The following MGAM variants were observed in gnomAD, a reference collection of about 807,000 sequenced individuals.
The protein encoded by MGAM is maltase-glucoamylase.
In MGAM, 253 loss-of-function variants were observed where a neutral mutation model predicts 358.8. That is an observed-to-expected ratio of 0.71 (90% CI 0.64 to 0.78). The LOEUF is 0.78. Ranked by LOEUF, MGAM falls within the 30% of genes least tolerant of loss-of-function variation. The probability of loss-of-function intolerance (pLI) is 0.00; values close to 1 mark genes in which losing one functional copy is unlikely to be tolerated. For synonymous variants in MGAM, 1,105 were observed against 1,227.1 expected (o/e 0.90, Z 2.08); for missense variants, 3,080 against 3,432.6 (o/e 0.90, Z 2.57).
chr7:142,038,930 A>G (rs1293219539), intron 19 of MGAM, among the ~76,000 whole-genome samples: 3 of 152,100 alleles, frequency 2.0e-5, no homozygotes, highest in Non-Finnish European at 4.4e-5. Context: ...TACAAAGAAA[A>G]GAGATTTCAT....
At chr7:142,086,524 C>T in intron 56 of MGAM, 131 bp from the exon 57 acceptor site, 1 of 605,588 alleles carries the variant, frequency 1.7e-6, no homozygotes, top group East Asian at 3.3e-5. Flanking sequence ...ATTCACTTCT[C>T]TTTTACATCA....
chr7:142,085,738 A>C, intron 54 of MGAM, 95 bp from the exon 55 acceptor site: 1 of 1,381,498 alleles, frequency 7.2e-7, no homozygotes, highest in Non-Finnish European at 9.8e-7. Context: ...ACAAGAAGCT[A>C]TCTGGAATTC....
intron 68 of MGAM, among the ~76,000 whole-genome samples, chr7:142,101,188 A>G (rs1816411992): frequency 6.6e-6 from 1 of 152,150 alleles, no homozygotes; most frequent in Admixed American, 6.5e-5. Flanking sequence ...CATAGGATTT[A>G]TGGTCAAGGA....
In MGAM at chr7:142,059,981, G is replaced by C. The variant is rs558877932; in HGVS notation, c.4059+15G>C. 1 of 1,585,364 alleles carries C rather than the reference G, an allele frequency of 6.3e-7. No individual in the cohort carries two copies. Among genetic ancestry groups the C allele is most frequent in the African/African-American group, 1.3e-5 (1 of 74,514 alleles). Reference sequence around the variant, plus strand: ...TCTGGGGAAAGGTATAATCCTAAGCGATGATCCACTAGTCCCCAGCCTGAG... The same window carrying C: ...TCTGGGGAAAGGTATAATCCTAAGCCATGATCCACTAGTCCCCAGCCTGAG... On this transcript the variant is annotated intron_variant, in intron 33 of 70. Transcript: ENST00000475668.
chr7:142,030,551 ATC>A, intron 11 of MGAM, 58 bp downstream of exon 11: 1 of 1,609,534 alleles, frequency 6.2e-7, no homozygotes, highest in Non-Finnish European at 8.5e-7. Context: ...TCATACACCC[ATC>A]TCTCCTGCTT....
chr7:142,027,718 G>A lies in MGAM; in HGVS notation c.1204G>A (p.Ala402Thr), dbSNP rs371373847. 81 of 1,611,798 alleles carry A rather than the reference G, an allele frequency of 5.0e-5. No individual in the cohort carries two copies. Among genetic ancestry groups the A allele is most frequent in the Non-Finnish European group, 6.3e-5 (74 of 1,178,814 alleles). Reference sequence around the variant, plus strand: ...GAGGGAAGTCGTGGAGAGAAATCGCGCAGCACAGCTCCCTTATGTAAGCAA... The same window carrying A: ...GAGGGAAGTCGTGGAGAGAAATCGCACAGCACAGCTCCCTTATGTAAGCAA... ...NMREVVERNR[A>T]AQLPYDVQHA... is the part of the protein sequence containing the mutation. Residue 402 changes from alanine (A) to threonine (T), a missense_variant, in exon 10 of 71, where the codon GCA (alanine) becomes ACA (threonine). Ala to Thr is a moderately conservative substitution (Grantham distance 58). Coordinates refer to ENST00000475668, the MANE Select transcript of MGAM (RefSeq NM_001365693.1).
chr7:142,091,590 A>G lies in MGAM; in HGVS notation c.6811-323A>G, dbSNP rs140250073. On this transcript the variant is annotated intron_variant, in intron 57 of 70. Transcript: ENST00000475668. Reference sequence around the variant, plus strand: ...CCCTGGCTTTGTCTTTGAGGAGTGCATAGGAAATGGCAGGACTGACATTGA... The same window carrying G: ...CCCTGGCTTTGTCTTTGAGGAGTGCGTAGGAAATGGCAGGACTGACATTGA... Among the ~76,000 whole-genome samples the G allele has an allele frequency of 5.7e-4, 84 of 146,222 alleles. 3 individuals are homozygous for G. The highest frequency in any genetic ancestry group is 1.8e-3 in the African/African-American group (76 of 41,198).
At chr7:142,025,685 G>T (rs550886112) in intron 8 of MGAM, among the ~76,000 whole-genome samples, 1 of 152,114 alleles carries the variant, frequency 6.6e-6, no homozygotes, top group African/African-American at 2.4e-5. Flanking sequence ...TAGAAATGGC[G>T]AGTAAGCAAT....
chr7:142,061,122 G>A (rs1400724388), intron 34 of MGAM, among the ~76,000 whole-genome samples: 2 of 152,180 alleles, frequency 1.3e-5, no homozygotes, highest in Non-Finnish European at 2.9e-5. Flanking sequence ...ATATGGACAG[G>A]CAAAGCCAGC....
At chr7:142,097,571 C>A (rs1308770247) in intron 65 of MGAM, 22 bp from the exon 66 acceptor site, 1 of 1,608,564 alleles carries the variant, frequency 6.2e-7, no homozygotes, top group South Asian at 1.1e-5. Flanking sequence ...CACTGCCACA[C>A]CTTGTTTATG....
At chr7:142,095,072 C>G (rs746808010) in intron 63 of MGAM, among the ~76,000 whole-genome samples, 5 of 152,086 alleles carry the variant, frequency 3.3e-5, no homozygotes, top group Non-Finnish European at 7.4e-5. Context: ...GCTCAAGCGA[C>G]TCACCTACCT....
At chr7:142,093,023 C>G (rs1250880778) in intron 59 of MGAM, among the ~76,000 whole-genome samples, 1 of 146,354 alleles carries the variant, frequency 6.8e-6, no homozygotes, top group Non-Finnish European at 1.5e-5. Flanking sequence ...ATTGTTCTCT[C>G]TAGGAGTTTT....
Position 142,068,884 on chromosome 7 carries a change from C to T in MGAM, c.5061+181C>T, listed in dbSNP as rs1298136628. Among the ~76,000 whole-genome samples the T allele has an allele frequency of 1.4e-5, 2 of 146,208 alleles. 1 individual carries two copies. The highest frequency in any genetic ancestry group is 3.1e-5 in the Non-Finnish European group (2 of 64,652). ...CCTCCAAGTGGGGTAAGACCACTTT[C>T]CTCATAGAACCATTGTGAAATAACA... On this transcript the variant is annotated intron_variant, in intron 43 of 70. Coordinates refer to ENST00000475668, the MANE Select transcript of MGAM (RefSeq NM_001365693.1).
At chr7:142,077,461 C>A (rs984119011) in intron 47 of MGAM, among the ~76,000 whole-genome samples, 5 of 145,420 alleles carry the variant, frequency 3.4e-5, no homozygotes, top group Middle Eastern at 3.5e-3. Flanking sequence ...CGTGTGAGAA[C>A]TTTAACTTGG....
Position 142,096,416 on chromosome 7 carries a change from G to C in MGAM, c.7692+1G>C. On this transcript the variant is annotated splice_donor_variant, in intron 65 of 70. Coordinates refer to ENST00000475668, the MANE Select transcript of MGAM (RefSeq NM_001365693.1). LOFTEE classifies it high-confidence loss of function. ...CCTGGTCAGCCCTGTCCTGGAGCGTGTGAGTATGGAGGCCTCCGATGAGGG... is the reference window on the plus strand; with the variant it reads ...CCTGGTCAGCCCTGTCCTGGAGCGTCTGAGTATGGAGGCCTCCGATGAGGG... 4 of 1,613,774 alleles carry C rather than the reference G, an allele frequency of 2.5e-6. No homozygotes were observed. The highest frequency in any genetic ancestry group is 3.4e-6 in the Non-Finnish European group (4 of 1,179,714).
chr7:142,034,001 G>C (rs1445533952), intron 14 of MGAM, among the ~76,000 whole-genome samples: 1 of 152,230 alleles, frequency 6.6e-6, no homozygotes, highest in Non-Finnish European at 1.5e-5. Context: ...AGGCCTGAAT[G>C]AATCTTCTTA....
Position 142,076,250 on chromosome 7 carries a change from C to T in MGAM, c.5323C>T (p.Gln1775Ter). Residue 1775 changes from glutamine to a stop codon, truncating the protein, a stop_gained and splice_region_variant, in exon 46 of 71, where the codon CAA becomes TAA. Coordinates refer to ENST00000475668, the MANE Select transcript of MGAM (RefSeq NM_001365693.1). LOFTEE classifies it high-confidence loss of function. The stretch of plus-strand genomic sequence containing the variant: ...TCTTTTATGTGAGTTTTCTGTCACT[C>T]AAGTGAGTAGCATATTTTTATGAAT... ...VYLLCEFSVT[Q>*]NHLEVTISQS... The T allele has an allele frequency of 6.5e-7, 1 of 1,536,130 alleles. No individual in the cohort carries two copies. Among genetic ancestry groups the T allele is most frequent in the Non-Finnish European group, 8.9e-7 (1 of 1,117,466 alleles).
chr7:142,088,787 A>ATCAT (rs1563214283), intron 57 of MGAM, among the ~76,000 whole-genome samples: 12 of 123,270 alleles, frequency 9.7e-5, no homozygotes, highest in South Asian at 2.9e-4. Flanking sequence ...CTATCTATCT[A>ATCAT]TCTATCTATC....
intron 49 of MGAM, among the ~76,000 whole-genome samples, chr7:142,079,679 C>T (rs1468274480): frequency 4.1e-5 from 6 of 146,152 alleles, no homozygotes; most frequent in African/African-American, 1.5e-4. Context: ...TAGGAATGTG[C>T]CCTTTCCTCT....
Sources: allele counts gnomAD v4.1 joint callset (sites outside exome capture counted in the v4.1 genomes callset), GRCh38; gene constraint gnomAD v4.1.1; transcripts MANE v1.5; gene names NCBI Gene and HGNC (gene_info 2026-07-23, HGNC 2026-07-21).